NEXN: variants seen among roughly 807,000 people sequenced by gnomAD.
NEXN encodes nexilin F-actin binding protein.
In NEXN, 65 loss-of-function variants were observed where a neutral mutation model predicts 92.6. The ratio of observed to expected loss-of-function variants is 0.70; its 90% CI spans 0.57 to 0.86. The LOEUF is 0.86. Among genes scored for constraint, NEXN ranks in the 40% least tolerant of loss-of-function variants. The probability of loss-of-function intolerance (pLI) is 0.00; values close to 1 mark genes in which losing one functional copy is unlikely to be tolerated. For missense variants in NEXN, 778 were observed against 771.1 expected (o/e 1.01, Z -0.11); for synonymous variants, 254 against 242.5 (o/e 1.05, Z -0.44).
chr1:77,909,185 C>T (rs1030581323), intron 1 of NEXN, among the ~76,000 whole-genome samples: 6 of 152,208 alleles, frequency 3.9e-5, no homozygotes, highest in Admixed American at 2.6e-4. Context: ...CTTTGGGAGG[C>T]GAAGGCGGGT....
At position 77,943,861 on chromosome 1, in the gene NEXN, C is replaced by A. The variant is rs576503236; in HGVS notation, c.*1032C>A. The A allele has an allele frequency of 6.4e-6, 1 of 155,142 alleles. No homozygotes were observed. The highest frequency in any genetic ancestry group is 1.4e-5 in the Non-Finnish European group (1 of 69,884). 9.6% of individuals were successfully genotyped at this position (155,142 alleles called of 1,614,324 possible). ...TCTGGAAGACAATTTTATTTTACAACGTGAACCCAAATAAAGTAACTTCTG... is the reference window on the plus strand; with the variant it reads ...TCTGGAAGACAATTTTATTTTACAAAGTGAACCCAAATAAAGTAACTTCTG... On this transcript the variant is annotated 3_prime_UTR_variant, in exon 13 of 13. Coordinates refer to ENST00000334785, the MANE Select transcript of NEXN (RefSeq NM_144573.4).
At chr1:77,933,191 CA>C (rs917490518) in intron 9 of NEXN, 90 bp from the exon 10 acceptor site, 80 of 902,072 alleles carry the variant, frequency 8.9e-5, no homozygotes, top group Non-Finnish European at 1.0e-4. Context: ...TAAAAACAAA[CA>C]AAAAAAAGAA....
intron 1 of NEXN, among the ~76,000 whole-genome samples, chr1:77,905,384 A>G (rs1217620599): frequency 1.3e-5 from 2 of 152,018 alleles, no homozygotes; most frequent in Non-Finnish European, 2.9e-5. Flanking sequence ...ATTCACCTTG[A>G]AGCTGGCAAG....
chr1:77,910,756 A>AC lies in NEXN; in HGVS notation c.-52-5299_-52-5298insC, dbSNP rs1648505518. 3.6e-5 allele frequency among the ~76,000 whole-genome samples: 4 copies of AC among 110,274 alleles called. No homozygotes were observed. In the South Asian group the frequency reaches 1.2e-3, roughly 32 times the overall value. The allele number at this position is 110,274 out of a possible 152,430, so 72.3% of individuals were successfully genotyped here. ...ACAGAGTGAGACTGTCTCAAAAAAAAAAAAAAAAAAAAAAACTAATAAGTT... is the reference window on the plus strand; with the variant it reads ...ACAGAGTGAGACTGTCTCAAAAAAAACAAAAAAAAAAAAAAACTAATAAGTT... On this transcript the variant is annotated intron_variant, in intron 1 of 12. Coordinates refer to ENST00000334785, the MANE Select transcript of NEXN (RefSeq NM_144573.4).
chr1:77,900,535 ATGTAT>A (rs1280181579), intron 1 of NEXN, among the ~76,000 whole-genome samples: 19 of 152,206 alleles, frequency 1.2e-4, no homozygotes, highest in African/African-American at 4.1e-4. Context: ...CACAAAAATA[ATGTAT>A]TGTAAATACA....
chr1:77,892,890 G>A (rs1389833954), intron 1 of NEXN, among the ~76,000 whole-genome samples: 5 of 147,306 alleles, frequency 3.4e-5, no homozygotes, highest in South Asian at 4.3e-4. Flanking sequence ...TTTTTGAGAC[G>A]GAGTCTTGCT....
chr1:77,929,537 G>T (rs368908324), intron 9 of NEXN, 33 bp downstream of exon 9: 2 of 1,610,554 alleles, frequency 1.2e-6, no homozygotes, highest in South Asian at 2.2e-5. Context: ...AATGCTATTA[G>T]AATTCACCTT....
At chr1:77,922,483 G>T (rs1401847030) in intron 5 of NEXN, among the ~76,000 whole-genome samples, 1 of 151,884 alleles carries the variant, frequency 6.6e-6, no homozygotes, top group South Asian at 2.1e-4. Context: ...AAGATTTTTA[G>T]TATAATATAT....
intron 11 of NEXN, among the ~76,000 whole-genome samples, chr1:77,941,380 G>A (rs1044715002): frequency 1.3e-5 from 2 of 152,114 alleles, no homozygotes; most frequent in African/African-American, 4.8e-5. Flanking sequence ...TTTGACAGTT[G>A]AGACTCTGCT....
intron 1 of NEXN, among the ~76,000 whole-genome samples, chr1:77,908,394 ATTTTTTTTTTTTT>A (rs34361411): frequency 2.8e-5 from 1 of 36,306 alleles, no homozygotes; most frequent in Non-Finnish European, 5.0e-5. Context: ...CCCTACCTCT[ATTTTTTTTTTTTT>A]TTTTTTTTTT....
chr1:77,923,927 C>T (rs1281702130), intron 5 of NEXN, among the ~76,000 whole-genome samples: 1 of 152,080 alleles, frequency 6.6e-6, no homozygotes, highest in Non-Finnish European at 1.5e-5. Context: ...CCGCCCGCCT[C>T]AGCCTCTCAA....
chr1:77,938,167 AATCT>A (rs778242815), intron 11 of NEXN, among the ~76,000 whole-genome samples: 13 of 152,212 alleles, frequency 8.5e-5, no homozygotes, highest in African/African-American at 2.2e-4. Flanking sequence ...TCAACCAATC[AATCT>A]GATTTGCATC....
intron 5 of NEXN, among the ~76,000 whole-genome samples, chr1:77,920,547 G>A (rs1019302860): frequency 6.9e-6 from 1 of 144,676 alleles, no homozygotes; most frequent in Non-Finnish European, 1.5e-5. Context: ...CTTGAGCCCA[G>A]GAGTTTCAGG....
rs763668453 is a variant in NEXN at position 77,942,581 on chromosome 1, G to A, written c.1780G>A (p.Val594Ile). The A allele has an allele frequency of 2.5e-6, 4 of 1,613,850 alleles. No homozygotes were observed. Among genetic ancestry groups the A allele is most frequent in the African/African-American group, 1.3e-5 (1 of 75,028 alleles). The change falls in exon 13 of 13, where the codon GTA becomes ATA. Residue 594 changes from valine to isoleucine, a missense_variant. By Grantham distance (29) the Val-to-Ile change is conservative. Around this residue, in one of 3 missense-constraint regions of NEXN, gnomAD observed 532 missense variants for 476.7 expected, o/e 1.12. Coordinates refer to ENST00000334785, the MANE Select transcript of NEXN (RefSeq NM_144573.4). ...GAAGCCTCTTAAAAACACATCAGTT[G>A]TAGACAGTGAGCCAGTCAGATTTAC... The part of the protein sequence containing the change: ...FKKPLKNTSV[V>I]DSEPVRFTVK...
At chr1:77,934,048 T>C (rs4949824) in intron 10 of NEXN, among the ~76,000 whole-genome samples, 128,055 of 143,548 alleles carry the variant, frequency 0.89, 57,286 homozygotes, top group Non-Finnish European at 0.92. Context: ...CTTGCTCTGT[T>C]GCCCAGGCTG....
intron 5 of NEXN, among the ~76,000 whole-genome samples, chr1:77,921,850 G>T (rs1252085970): frequency 6.6e-6 from 1 of 152,090 alleles, no homozygotes; most frequent in Non-Finnish European, 1.5e-5. Context: ...GGAGGCAAAG[G>T]TTGCAGTGAG....
At chr1:77,928,704 G>A (rs1231583946) in intron 8 of NEXN, among the ~76,000 whole-genome samples, 1 of 151,680 alleles carries the variant, frequency 6.6e-6, no homozygotes, top group Non-Finnish European at 1.5e-5. Context: ...TACAAAATGA[G>A]AACATTATTT....
chr1:77,890,123 A>G (rs1334181136), intron 1 of NEXN, among the ~76,000 whole-genome samples: 1 of 152,202 alleles, frequency 6.6e-6, no homozygotes, highest in Non-Finnish European at 1.5e-5. Context: ...TATAATTTGT[A>G]TAAGTAAACT....
intron 1 of NEXN, among the ~76,000 whole-genome samples, chr1:77,904,034 C>G (rs761266608): frequency 2.0e-5 from 3 of 151,608 alleles, no homozygotes; most frequent in Non-Finnish European, 4.4e-5. Context: ...ACTCTGTCAC[C>G]CAAGCTGGAA....
Sources: gnomAD v4.1 joint callset for allele counts (sites outside exome capture counted in the v4.1 genomes callset) on GRCh38, gnomAD v4.1.1 for gene constraint, gnomAD v4.1.1 regional missense constraint, MANE v1.5 for transcripts, NCBI Gene and HGNC (gene_info 2026-07-23, HGNC 2026-07-21) for gene names.